POU2F1: variants seen among roughly 807,000 people sequenced by gnomAD.
POU2F1 encodes POU class 2 homeobox 1, also known as POU domain, class 2, transcription factor 1.
Under a neutral mutation model 84.9 loss-of-function variants are expected in POU2F1, and 16 were observed. The ratio of observed to expected loss-of-function variants is 0.19; its 90% CI spans 0.13 to 0.29. POU2F1 has a LOEUF of 0.29. Ranked by LOEUF, POU2F1 falls within the 10% of genes least tolerant of loss-of-function variation. The pLI is 1.00. For missense variants in POU2F1, 738 were observed against 942.6 expected, an observed-to-expected ratio of 0.78 and a Z score of 2.84; for synonymous variants, 368 against 368.3, an observed-to-expected ratio of 1.00 and a Z score of 0.01.
intron 1 of POU2F1, among the ~76,000 whole-genome samples, chr1:167,325,407 T>C (rs781474349): frequency 1.3e-5 from 2 of 152,132 alleles, no homozygotes; most frequent in African/African-American, 2.4e-5. Context: ...CAAATGGCTA[T>C]TCATATAGAA....
chr1:167,405,109 C>T (rs894749854), intron 13 of POU2F1, among the ~76,000 whole-genome samples: 1 of 152,102 alleles, frequency 6.6e-6, no homozygotes, highest in Non-Finnish European at 1.5e-5. Context: ...TCCAGAAAGA[C>T]GAGTGTTCCA....
At chr1:167,334,230 G>A (rs531904907) in intron 2 of POU2F1, among the ~76,000 whole-genome samples, 5 of 139,690 alleles carry the variant, frequency 3.6e-5, no homozygotes, top group African/African-American at 1.1e-4. Flanking sequence ...GTGCGACCTC[G>A]GCTCACTGCA....
intron 1 of POU2F1, among the ~76,000 whole-genome samples, chr1:167,272,628 G>A (rs941554713): frequency 1.3e-5 from 2 of 152,016 alleles, no homozygotes; most frequent in Non-Finnish European, 2.9e-5. Context: ...AGTAGGAGGG[G>A]CTACACACTT....
At chr1:167,390,382 G>C (rs1360796184) in intron 9 of POU2F1, among the ~76,000 whole-genome samples, 1 of 152,240 alleles carries the variant, frequency 6.6e-6, no homozygotes, top group Admixed American at 6.5e-5. Flanking sequence ...GTTATTTGAA[G>C]AATATCTGGT....
chr1:167,273,439 G>A (rs1211969430), intron 1 of POU2F1, among the ~76,000 whole-genome samples: 2 of 152,164 alleles, frequency 1.3e-5, no homozygotes, highest in African/African-American at 4.8e-5. Flanking sequence ...TGAGGCCTCT[G>A]CTCCTGCAGC....
chr1:167,414,695 C>T, intron 15 of POU2F1: 2 of 985,234 alleles, frequency 2.0e-6, no homozygotes, highest in Non-Finnish European at 2.4e-6. Flanking sequence ...GATCACCCAC[C>T]TACATCATTA....
chr1:167,317,465 G>T (rs1457751678), intron 1 of POU2F1, among the ~76,000 whole-genome samples: 1 of 152,164 alleles, frequency 6.6e-6, no homozygotes, highest in Non-Finnish European at 1.5e-5. Context: ...GAATCAGGGG[G>T]CTGACAGCCT....
At chr1:167,321,333 T>A (rs1041455112) in intron 1 of POU2F1, among the ~76,000 whole-genome samples, 4 of 152,190 alleles carry the variant, frequency 2.6e-5, no homozygotes, top group Non-Finnish European at 4.4e-5. Flanking sequence ...GAATTGTAAA[T>A]GCAAACTGTT....
chr1:167,410,467 G>A (rs1046067550), intron 13 of POU2F1, among the ~76,000 whole-genome samples: 1 of 152,134 alleles, frequency 6.6e-6, no homozygotes, highest in African/African-American at 2.4e-5. Context: ...TGAAAGAAGA[G>A]CATGTTCTGA....
chr1:167,282,962 G>A (rs1653262743), intron 1 of POU2F1, among the ~76,000 whole-genome samples: 1 of 152,190 alleles, frequency 6.6e-6, no homozygotes, highest in African/African-American at 2.4e-5. Context: ...ACTTCATAGG[G>A]TTGTTCTTGT....
At chr1:167,327,043 A>G (rs528654499) in intron 1 of POU2F1, among the ~76,000 whole-genome samples, 7 of 152,338 alleles carry the variant, frequency 4.6e-5, no homozygotes, top group African/African-American at 1.7e-4. Flanking sequence ...TTTTCTCACC[A>G]AGGAGAATTT....
At chr1:167,274,486 G>C (rs553333886) in intron 1 of POU2F1, among the ~76,000 whole-genome samples, 1 of 152,116 alleles carries the variant, frequency 6.6e-6, no homozygotes, top group Non-Finnish European at 1.5e-5. Flanking sequence ...AATTTCTATA[G>C]AACATGTGGG....
chr1:167,266,688 AT>A (rs1651986704), intron 1 of POU2F1, among the ~76,000 whole-genome samples: 1 of 144,662 alleles, frequency 6.9e-6, no homozygotes, highest in Non-Finnish European at 1.5e-5. Context: ...CAGTAGCATG[AT>A]CTTGGCTCAC....
intron 8 of POU2F1, among the ~76,000 whole-genome samples, chr1:167,387,826 A>G (rs1459324720): frequency 6.6e-6 from 1 of 152,222 alleles, no homozygotes; most frequent in Non-Finnish European, 1.5e-5. Flanking sequence ...AAAGTAGAGT[A>G]TTTTATTTTT....
chr1:167,250,724 G>C (rs1650665798), intron 1 of POU2F1, among the ~76,000 whole-genome samples: 1 of 152,054 alleles, frequency 6.6e-6, no homozygotes, highest in Non-Finnish European at 1.5e-5. Flanking sequence ...CTAGTAATCT[G>C]GTAAACAGAA....
At chr1:167,398,555 G>A (rs906960416) in intron 11 of POU2F1, among the ~76,000 whole-genome samples, 1 of 152,168 alleles carries the variant, frequency 6.6e-6, no homozygotes, top group East Asian at 1.9e-4. Flanking sequence ...GTGTCTGTAT[G>A]CCTGGAATAG....
intron 1 of POU2F1, among the ~76,000 whole-genome samples, chr1:167,244,755 A>C (rs944976110): frequency 2.6e-5 from 4 of 152,202 alleles, no homozygotes; most frequent in African/African-American, 7.2e-5. Flanking sequence ...CCTGACACCC[A>C]AAAATTAGAG....
At chr1:167,386,590 C>G (rs1648002746) in intron 8 of POU2F1, among the ~76,000 whole-genome samples, 1 of 152,196 alleles carries the variant, frequency 6.6e-6, no homozygotes, top group Admixed American at 6.5e-5. Flanking sequence ...GTGAATGTTT[C>G]TAGCAGCTTT....
intron 1 of POU2F1, among the ~76,000 whole-genome samples, chr1:167,329,824 G>C (rs978947551): frequency 7.9e-5 from 12 of 152,130 alleles, no homozygotes; most frequent in Non-Finnish European, 1.6e-4. Context: ...TCTGTTGATC[G>C]ATTTCCAGAT....
Sources: gnomAD v4.1 joint callset for allele counts (sites outside exome capture counted in the v4.1 genomes callset) on GRCh38, gnomAD v4.1.1 for gene constraint, MANE v1.5 for transcripts, NCBI Gene and HGNC (gene_info 2026-07-23, HGNC 2026-07-21) for gene names.